FGF14: variants seen among roughly 807,000 people sequenced by gnomAD.
FGF14 encodes the protein fibroblast growth factor 14.
Under a neutral mutation model 25.5 loss-of-function variants are expected in FGF14, and 5 were observed. That is an observed-to-expected ratio of 0.20 (90% CI 0.10 to 0.41). FGF14 has a LOEUF of 0.41. Ranked by LOEUF, FGF14 falls within the 10% of genes least tolerant of loss-of-function variation. The probability of loss-of-function intolerance (pLI) is 1.00; values close to 1 mark genes in which losing one functional copy is unlikely to be tolerated. For missense variants in FGF14, 222 were observed against 320.1 expected (o/e 0.69, Z 2.34); for synonymous variants, 138 against 118.3 (o/e 1.17, Z -1.08).
At chr13:101,770,517 T>C (rs893430019) in intron 3 of FGF14, among the ~76,000 whole-genome samples, 1 of 152,150 alleles carries the variant, frequency 6.6e-6, no homozygotes, top group Non-Finnish European at 1.5e-5. Context: ...ATTAGTCCTA[T>C]TATCTCAGCT....
intron 1 of FGF14, among the ~76,000 whole-genome samples, chr13:102,176,246 A>AC (rs1422732144): frequency 6.6e-6 from 1 of 152,130 alleles, no homozygotes; most frequent in Non-Finnish European, 1.5e-5. Context: ...CACAAAGAAG[A>AC]ATGAAATCAT....
At chr13:101,728,580 A>G (rs2035597848) in intron 3 of FGF14, among the ~76,000 whole-genome samples, 3 of 152,182 alleles carry the variant, frequency 2.0e-5, no homozygotes. Context: ...CTTCTCCCCA[A>G]GAGACTAATA....
chr13:101,842,067 T>A (rs894813013), intron 3 of FGF14, among the ~76,000 whole-genome samples: 1 of 152,040 alleles, frequency 6.6e-6, no homozygotes, highest in African/African-American at 2.4e-5. Context: ...CACTGAGCTA[T>A]AGAATTTATT....
chr13:102,036,965 A>G (rs146948473), intron 1 of FGF14, among the ~76,000 whole-genome samples: 1 of 152,284 alleles, frequency 6.6e-6, no homozygotes, highest in African/African-American at 2.4e-5. Flanking sequence ...GTCAGAGCAA[A>G]ATACACAGGG....
chr13:101,950,070 T>C (rs2036060132), intron 1 of FGF14, among the ~76,000 whole-genome samples: 1 of 152,258 alleles, frequency 6.6e-6, no homozygotes, highest in African/African-American at 2.4e-5. Flanking sequence ...TCTTTCTGTA[T>C]GGGACATCCT....
At chr13:101,870,096 G>A (rs569835958) in intron 2 of FGF14, among the ~76,000 whole-genome samples, 5 of 152,196 alleles carry the variant, frequency 3.3e-5, no homozygotes, top group East Asian at 1.9e-4. Context: ...GTTTCACTAC[G>A]TAAACTAATA....
chr13:101,748,325 T>C (rs1283535063), intron 3 of FGF14, among the ~76,000 whole-genome samples: 1 of 151,932 alleles, frequency 6.6e-6, no homozygotes, highest in Non-Finnish European at 1.5e-5. Flanking sequence ...AAATTATATA[T>C]TTTGCAATAA....
intron 3 of FGF14, among the ~76,000 whole-genome samples, chr13:101,770,830 AGTGT>A (rs1566879758): frequency 6.6e-6 from 1 of 152,158 alleles, no homozygotes; most frequent in Non-Finnish European, 1.5e-5. Flanking sequence ...TATCTACTGC[AGTGT>A]TCTAGGAACA....
intron 1 of FGF14, among the ~76,000 whole-genome samples, chr13:102,257,618 C>T (rs2052514089): frequency 6.6e-6 from 1 of 152,114 alleles, no homozygotes. Context: ...GAGGTGTGAG[C>T]CACCACGCCC....
chr13:102,009,392 T>C (rs1477846859), intron 1 of FGF14, among the ~76,000 whole-genome samples: 1 of 152,146 alleles, frequency 6.6e-6, no homozygotes, highest in Non-Finnish European at 1.5e-5. Context: ...CTATTGTCAA[T>C]TGGTTGGAAA....
intron 1 of FGF14, among the ~76,000 whole-genome samples, chr13:102,064,562 A>G (rs2042824325): frequency 6.6e-6 from 1 of 152,070 alleles, no homozygotes; most frequent in African/African-American, 2.4e-5. Context: ...TACTTATGGG[A>G]AAAGCATAAA....
chr13:101,824,328 T>C (rs1350639145), intron 3 of FGF14, among the ~76,000 whole-genome samples: 1 of 152,200 alleles, frequency 6.6e-6, no homozygotes, highest in Admixed American at 6.5e-5. Flanking sequence ...TTACTTTGTG[T>C]GTGTGCGCGC....
At chr13:101,844,700 T>A (rs1165656573) in intron 3 of FGF14, among the ~76,000 whole-genome samples, 1 of 152,068 alleles carries the variant, frequency 6.6e-6, no homozygotes, top group Non-Finnish European at 1.5e-5. Flanking sequence ...ATAGTGTACA[T>A]TTCCATTGAC....
intron 1 of FGF14, among the ~76,000 whole-genome samples, chr13:101,938,870 T>A (rs1402225953): frequency 6.6e-6 from 1 of 152,204 alleles, no homozygotes. Flanking sequence ...ATAAGATAAC[T>A]TCATTAAGGA....
intron 1 of FGF14, among the ~76,000 whole-genome samples, chr13:102,136,349 G>C (rs551585739): frequency 1.4e-4 from 21 of 152,188 alleles, no homozygotes; most frequent in African/African-American, 4.6e-4. Context: ...AGGAAACTGA[G>C]GCATGGAAAG....
chr13:102,326,634 G>T (rs2056433773), intron 1 of FGF14, among the ~76,000 whole-genome samples: 1 of 136,410 alleles, frequency 7.3e-6, no homozygotes, highest in South Asian at 2.6e-4. Flanking sequence ...GGAGGGAAAG[G>T]GAGGGAAAGG....
At chr13:101,988,648 T>C (rs1028057513) in intron 1 of FGF14, among the ~76,000 whole-genome samples, 4 of 135,844 alleles carry the variant, frequency 2.9e-5, no homozygotes, top group South Asian at 4.8e-4. Context: ...TAGGTGGGAA[T>C]TGAACAATGA....
intron 1 of FGF14, among the ~76,000 whole-genome samples, chr13:102,012,643 A>G (rs2040140705): frequency 6.6e-6 from 1 of 152,156 alleles, no homozygotes; most frequent in Non-Finnish European, 1.5e-5. Context: ...AACAAAGCAA[A>G]ACAAGTTAAA....
At chr13:101,965,460 TA>T (rs536795307) in intron 1 of FGF14, among the ~76,000 whole-genome samples, 3 of 152,080 alleles carry the variant, frequency 2.0e-5, no homozygotes, top group Admixed American at 6.6e-5. Context: ...ACATCAAATA[TA>T]AAAAAAATTC....
Sources: allele counts gnomAD v4.1 joint callset (sites outside exome capture counted in the v4.1 genomes callset), GRCh38; gene constraint gnomAD v4.1.1; transcripts MANE v1.5; gene names NCBI Gene and HGNC (gene_info 2026-07-23, HGNC 2026-07-21).